The following RARS2 variants were observed in gnomAD, a reference collection of about 807,000 sequenced individuals.
The protein encoded by RARS2 is arginyl-tRNA synthetase 2, mitochondrial.
Under a neutral mutation model 88.5 loss-of-function variants are expected in RARS2, and 67 were observed. The ratio of observed to expected loss-of-function variants is 0.76; its 90% CI spans 0.62 to 0.93. The LOEUF (loss-of-function observed/expected upper bound fraction) is 0.93, where lower values mean the gene tolerates loss of function less well. RARS2 is among the 40% of genes least tolerant of loss of function. The pLI, the probability that RARS2 is intolerant of heterozygous loss-of-function variation, is 0.00. For synonymous variants in RARS2, 239 were observed against 230.3 expected (o/e 1.04, Z -0.34); for missense variants, 664 against 684.2 (o/e 0.97, Z 0.33).
intron 1 of RARS2, chr6:87,584,843 G>A (rs1774661455): frequency 2.9e-6 from 1 of 340,150 alleles, no homozygotes; most frequent in African/African-American, 2.2e-5. Flanking sequence ...ATATACCATA[G>A]AGAAGGGGTA....
chr6:87,580,833 C>T (rs1311662394), intron 1 of RARS2, among the ~76,000 whole-genome samples: 3 of 152,008 alleles, frequency 2.0e-5, no homozygotes, highest in Non-Finnish European at 2.9e-5. Context: ...AAATTCACAA[C>T]TGCCAGATCT....
chr6:87,561,716 C>T (rs553488192), intron 4 of RARS2, among the ~76,000 whole-genome samples: 2 of 152,302 alleles, frequency 1.3e-5, no homozygotes, highest in East Asian at 1.9e-4. Context: ...TGACACTGAG[C>T]AGGGCAACTG....
intron 1 of RARS2, among the ~76,000 whole-genome samples, chr6:87,573,857 CAGAA>C (rs1562247762): frequency 6.6e-6 from 1 of 152,098 alleles, no homozygotes; most frequent in African/African-American, 2.4e-5. Flanking sequence ...ATACACAAGA[CAGAA>C]AGAGCTCAAA....
chr6:87,582,612 G>A (rs567342791), intron 1 of RARS2, among the ~76,000 whole-genome samples: 1 of 152,330 alleles, frequency 6.6e-6, no homozygotes, highest in East Asian at 1.9e-4. Flanking sequence ...CTTCTAAGCA[G>A]AATGGAATGC....
intron 1 of RARS2, among the ~76,000 whole-genome samples, chr6:87,573,211 G>A (rs1390727427): frequency 6.6e-6 from 1 of 152,132 alleles, no homozygotes; most frequent in East Asian, 1.9e-4. Flanking sequence ...AAGCGAAAGG[G>A]AAGCAGGCAC....
intron 1 of RARS2, among the ~76,000 whole-genome samples, chr6:87,576,432 A>G (rs1348816020): frequency 9.1e-6 from 1 of 109,792 alleles, no homozygotes; most frequent in African/African-American, 3.5e-5. Flanking sequence ...GCCCGCTACC[A>G]CGCCCGGCTA....
At chr6:87,532,214 C>G (rs1051150304) in intron 8 of RARS2, among the ~76,000 whole-genome samples, 1 of 151,510 alleles carries the variant, frequency 6.6e-6, no homozygotes, top group Non-Finnish European at 1.5e-5. Flanking sequence ...TTAAAATTAC[C>G]TTTTTTTTTC....
intron 1 of RARS2, among the ~76,000 whole-genome samples, chr6:87,576,274 C>CTTT (rs55999428): frequency 0.018 from 1,466 of 80,790 alleles, 322 homozygotes; most frequent in African/African-American, 0.072. Context: ...ACACAAATTT[C>CTTT]TTTTTTTTTT....
At position 87,519,714 on chromosome 6, in the gene RARS2, G is replaced by A. The variant is rs201653111; in HGVS notation, c.1113-7C>T. On this transcript the variant is annotated splice_polypyrimidine_tract_variant and splice_region_variant and intron_variant, in intron 13 of 19. Coordinates refer to ENST00000369536, the MANE Select transcript of RARS2 (RefSeq NM_020320.5). ...AAAGGGCACGTGCTGGCACCTAAAA[G>A]AGTGGGCATCTAGTTAACTGAAAGC... is the stretch of plus-strand genomic sequence containing the variant. 7.4e-6 allele frequency: 12 copies of A among 1,613,970 alleles called. No individual in the cohort carries two copies. The highest frequency in any genetic ancestry group is 7.6e-6 in the Non-Finnish European group (9 of 1,179,874).
At chr6:87,588,059 C>G (rs1293982058) in intron 1 of RARS2, among the ~76,000 whole-genome samples, 1 of 152,174 alleles carries the variant, frequency 6.6e-6, no homozygotes. Context: ...CAAGTGTGAG[C>G]CACCATGCCT....
chr6:87,588,710 G>A (rs1157882275), intron 1 of RARS2, among the ~76,000 whole-genome samples: 1 of 152,130 alleles, frequency 6.6e-6, no homozygotes, highest in African/African-American at 2.4e-5. Context: ...AATAGTTTAT[G>A]CCTTAAGGCT....
At chr6:87,535,437 A>G (rs9450730) in intron 8 of RARS2, among the ~76,000 whole-genome samples, 62,612 of 151,870 alleles carry the variant, frequency 0.41, 13,015 homozygotes, top group Admixed American at 0.48. Flanking sequence ...ATCTTGTCCT[A>G]TTTAAAAAAA....
intron 14 of RARS2, chr6:87,519,306 T>C (rs1014623612): frequency 5.1e-5 from 20 of 388,742 alleles, no homozygotes; most frequent in South Asian, 2.5e-4. Flanking sequence ...AATTATAACA[T>C]AGAAACTTCA....
chr6:87,536,039 G>A (rs894705959), intron 8 of RARS2, among the ~76,000 whole-genome samples: 7 of 151,692 alleles, frequency 4.6e-5, no homozygotes, highest in African/African-American at 1.7e-4. Flanking sequence ...ATATTTTATT[G>A]GCATGATATT....
At chr6:87,559,653 A>G (rs1184046495) in intron 4 of RARS2, among the ~76,000 whole-genome samples, 1 of 152,138 alleles carries the variant, frequency 6.6e-6, no homozygotes, top group African/African-American at 2.4e-5. Flanking sequence ...CACCATGTCC[A>G]GGCAAGAAAA....
At position 87,575,491 on chromosome 6, in the gene RARS2, T is replaced by C. The variant is rs781467824; in HGVS notation, c.37-5901A>G. Among the ~76,000 whole-genome samples the C allele has an allele frequency of 4.6e-5, 7 of 152,146 alleles. No individual in the cohort carries two copies. In the East Asian group the frequency reaches 5.8e-4, roughly 13 times the overall value. On this transcript the variant is annotated intron_variant, in intron 1 of 19. Coordinates refer to ENST00000369536, the MANE Select transcript of RARS2 (RefSeq NM_020320.5). ...ACATAGTGTCTACCAGAATTGTCTA[T>C]CCAAAATAATTCCACCACACTGGAG...
At chr6:87,571,234 G>C (rs542116458) in intron 1 of RARS2, among the ~76,000 whole-genome samples, 1 of 152,156 alleles carries the variant, frequency 6.6e-6, no homozygotes, top group African/African-American at 2.4e-5. Flanking sequence ...TTTTAAAAGA[G>C]GCTTTCCCCC....
In RARS2 at chr6:87,552,865, T is replaced by G. The variant is rs752882760; in HGVS notation, c.395+2543A>C. Among the ~76,000 whole-genome samples, 4 of 152,184 alleles carry G rather than the reference T, an allele frequency of 2.6e-5. No homozygotes were observed. In the East Asian group the frequency reaches 7.7e-4, roughly 29 times the overall value. ...GAATGTACGGTAACAGGTAATATAT[T>G]ACCTCCCTGCTGATTTTCCTTTATT... On this transcript the variant is annotated intron_variant, in intron 5 of 19. Transcript: ENST00000369536.
chr6:87,571,314 T>C (rs146947669), intron 1 of RARS2, among the ~76,000 whole-genome samples: 95 of 152,290 alleles, frequency 6.2e-4, no homozygotes, highest in African/African-American at 2.1e-3. Context: ...TCTGCAACGA[T>C]TGTAAGTTTC....
Sources: allele counts gnomAD v4.1 joint callset (sites outside exome capture counted in the v4.1 genomes callset), GRCh38; gene constraint gnomAD v4.1.1; transcripts MANE v1.5; gene names NCBI Gene and HGNC (gene_info 2026-07-23, HGNC 2026-07-21).